Variants in SENP7 observed in about 807,000 individuals in gnomAD.
The protein encoded by SENP7 is SUMO specific peptidase 7.
In SENP7, 64 loss-of-function variants were observed where a neutral mutation model predicts 141.2. That is an observed-to-expected ratio of 0.45 (90% CI 0.37 to 0.56). The LOEUF (loss-of-function observed/expected upper bound fraction) is 0.56, where lower values mean the gene tolerates loss of function less well. Ranked by LOEUF, SENP7 falls within the 20% of genes least tolerant of loss-of-function variation. The pLI is 0.00. For synonymous variants in SENP7, 382 were observed against 426.4 expected, an observed-to-expected ratio of 0.90 and a Z score of 1.28; for missense variants, 1,025 against 1,212.2, an observed-to-expected ratio of 0.85 and a Z score of 2.29.
At chr3:101,467,284 T>C (rs2063793825) in intron 3 of SENP7, among the ~76,000 whole-genome samples, 1 of 152,202 alleles carries the variant, frequency 6.6e-6, no homozygotes, top group South Asian at 2.1e-4. Flanking sequence ...GCAGACAACT[T>C]CTGCAGATGT....
chr3:101,494,189 A>T (rs1187038176), intron 2 of SENP7, among the ~76,000 whole-genome samples: 2 of 152,184 alleles, frequency 1.3e-5, no homozygotes, highest in African/African-American at 4.8e-5. Flanking sequence ...GAATCAGAAG[A>T]GCTTCCTAAC....
intron 3 of SENP7, among the ~76,000 whole-genome samples, chr3:101,493,010 T>C (rs190955395): frequency 1.1e-4 from 17 of 152,240 alleles, no homozygotes; most frequent in South Asian, 2.1e-4. Flanking sequence ...TGCCCTTCCA[T>C]GGTAGTTTAG....
chr3:101,493,829 C>T (rs62280739), intron 3 of SENP7, 44 bp downstream of exon 3: 2 of 1,118,484 alleles, frequency 1.8e-6, no homozygotes, highest in Non-Finnish European at 1.3e-6. Context: ...TTAAACATAC[C>T]AAATAAAACT....
intron 11 of SENP7, chr3:101,358,723 C>A (rs1336834539): frequency 1.3e-5 from 2 of 157,766 alleles, no homozygotes; most frequent in Non-Finnish European, 2.8e-5. Flanking sequence ...CAACCTCCGC[C>A]TCCTGGGTTC....
At chr3:101,329,332 T>C (rs1411423793) in intron 20 of SENP7, among the ~76,000 whole-genome samples, 2 of 152,158 alleles carry the variant, frequency 1.3e-5, no homozygotes, top group African/African-American at 4.8e-5. Flanking sequence ...AAACTCAATT[T>C]GAGAAATCTG....
At chr3:101,505,052 G>GA (rs1339673068) in intron 1 of SENP7, among the ~76,000 whole-genome samples, 1 of 151,374 alleles carries the variant, frequency 6.6e-6, no homozygotes, top group Admixed American at 6.6e-5. Context: ...ACGACAGAGC[G>GA]AAACCATTTC....
intron 3 of SENP7, among the ~76,000 whole-genome samples, chr3:101,476,105 TTTATTA>T (rs1433061287): frequency 2.6e-5 from 4 of 152,142 alleles, no homozygotes; most frequent in Non-Finnish European, 4.4e-5. Context: ...TGCCAGTTTT[TTTATTA>T]TTATTATTCT....
At chr3:101,462,345 C>T (rs915486714) in intron 3 of SENP7, among the ~76,000 whole-genome samples, 1 of 151,906 alleles carries the variant, frequency 6.6e-6, no homozygotes, top group Non-Finnish European at 1.5e-5. Flanking sequence ...AGTTTGAGAC[C>T]AGCCTGACCA....
chr3:101,439,556 A>G (rs200845500), intron 4 of SENP7, among the ~76,000 whole-genome samples: 5 of 45,198 alleles, frequency 1.1e-4, no homozygotes, highest in Non-Finnish European at 2.0e-4. Flanking sequence ...TGGGGGGGTC[A>G]GCCCCCCGCC....
intron 5 of SENP7, among the ~76,000 whole-genome samples, chr3:101,405,317 T>A (rs1215478021): frequency 6.6e-6 from 1 of 151,846 alleles, no homozygotes; most frequent in East Asian, 1.9e-4. Context: ...GGTGGCTAGA[T>A]CCAAAAGAAA....
chr3:101,335,763 T>C (rs2059167895), intron 17 of SENP7, among the ~76,000 whole-genome samples: 1 of 152,202 alleles, frequency 6.6e-6, no homozygotes, highest in South Asian at 2.1e-4. Context: ...TTAAATTCTG[T>C]ATACATAAAA....
intron 4 of SENP7, among the ~76,000 whole-genome samples, chr3:101,422,973 A>T (rs1375725190): frequency 6.6e-6 from 1 of 152,218 alleles, no homozygotes; most frequent in East Asian, 1.9e-4. Flanking sequence ...TTCAGAAATC[A>T]GAAAAAAGAA....
At position 101,347,948 on chromosome 3, in the gene SENP7, A is replaced by T. The variant is rs2059511570; in HGVS notation, c.1761T>A (p.Ile587=). 6.2e-7 allele frequency: 1 copy of T among 1,609,914 alleles called. No individual in the cohort carries two copies. Among genetic ancestry groups the T allele is most frequent in the Non-Finnish European group, 8.5e-7 (1 of 1,176,978 alleles). The change falls in exon 13 of 24, where the codon ATT becomes ATA. Residue 587 remains isoleucine (I), a synonymous_variant. Transcript: ENST00000394095. ...AATCTGAAGAGACCCAGAAGAAAAG[A>T]ATAGCATGACTCCTTTTACTGTGAT... ...DDNHSKRSHA[I]LFFWVSSDYL... is the part of the protein sequence containing the mutation.
intron 2 of SENP7, among the ~76,000 whole-genome samples, chr3:101,495,598 A>C (rs2065130697): frequency 6.6e-6 from 1 of 152,228 alleles, no homozygotes; most frequent in African/African-American, 2.4e-5. Context: ...TGTCTTTTGC[A>C]GGGACATGGA....
chr3:101,329,660 G>T (rs1026577554), intron 20 of SENP7, among the ~76,000 whole-genome samples: 1 of 151,446 alleles, frequency 6.6e-6, no homozygotes, highest in Non-Finnish European at 1.5e-5. Flanking sequence ...TTTTCTGGCC[G>T]GGCTCGGTGG....
intron 4 of SENP7, among the ~76,000 whole-genome samples, chr3:101,449,136 A>G (rs2063016522): frequency 6.6e-6 from 1 of 152,212 alleles, no homozygotes; most frequent in Admixed American, 6.5e-5. Flanking sequence ...GTGATGGAAC[A>G]TGAAATGAAT....
rs868201085 is a variant in SENP7, at chr3:101,324,405, T to A, written c.*1538A>T. Reference sequence around the variant, plus strand: ...AGGACAGTGATATCTTTGAAAAACATACAAACAAAAACATTAAGAAATCAC... The same window carrying A: ...AGGACAGTGATATCTTTGAAAAACAAACAAACAAAAACATTAAGAAATCAC... On this transcript the variant is annotated 3_prime_UTR_variant, in exon 24 of 24. Transcript: ENST00000394095. 6.6e-6 allele frequency: 1 copy of A among 152,180 alleles called. No individual in the cohort carries two copies. The highest frequency in any genetic ancestry group is 3.4e-3 in the Middle Eastern group (1 of 294). The allele number at this position is 152,180 out of a possible 1,614,324, so 9.4% of individuals were successfully genotyped here. A position where few individuals can be genotyped will look rare whatever the true frequency, so the allele number is the denominator to read the frequency against.
At chr3:101,513,068 G>C (rs1174180783) in intron 1 of SENP7, 23 bp downstream of exon 1, 1 of 1,612,498 alleles carries the variant, frequency 6.2e-7, no homozygotes, top group Non-Finnish European at 8.5e-7. Flanking sequence ...AATATGTTCA[G>C]CCCTTCTCTG....
At chr3:101,404,350 G>T (rs1576240270) in intron 5 of SENP7, among the ~76,000 whole-genome samples, 1 of 152,106 alleles carries the variant, frequency 6.6e-6, no homozygotes, top group African/African-American at 2.4e-5. Flanking sequence ...ATGATGCTGG[G>T]AAAAGAACTA....
Sources: allele counts gnomAD v4.1 joint callset (sites outside exome capture counted in the v4.1 genomes callset), GRCh38; gene constraint gnomAD v4.1.1; transcripts MANE v1.5; gene names NCBI Gene and HGNC (gene_info 2026-07-23, HGNC 2026-07-21).